The following GALNT13 variants were observed in gnomAD, a reference collection of about 807,000 sequenced individuals.
GALNT13 encodes polypeptide N-acetylgalactosaminyltransferase 13.
In GALNT13, 28 loss-of-function variants were observed where a neutral mutation model predicts 64.2. That is an observed-to-expected ratio of 0.44 (90% CI 0.32 to 0.60). The LOEUF is 0.60. Ranked by LOEUF, GALNT13 falls within the 20% of genes least tolerant of loss-of-function variation. The pLI is 0.05. For synonymous variants in GALNT13, 214 were observed against 224.6 expected (o/e 0.95, Z 0.42); for missense variants, 577 against 669.8 (o/e 0.86, Z 1.53).
At chr2:154,141,855 G>T (rs563356730) in intron 4 of GALNT13, among the ~76,000 whole-genome samples, 1 of 152,060 alleles carries the variant, frequency 6.6e-6, no homozygotes, top group African/African-American at 2.4e-5. Flanking sequence ...AATATTGCAC[G>T]AAAAATGATG....
chr2:153,315,127 G>C, the GALNT13 span, among the ~76,000 whole-genome samples: 3 of 152,020 alleles, frequency 2.0e-5, no homozygotes, highest in Non-Finnish European at 4.4e-5. Flanking sequence ...TAAGAGAAAG[G>C]GGACATTTTC....
At position 154,039,294 on chromosome 2, in the gene GALNT13, A is replaced by G. The variant is rs189541677; in HGVS notation, c.142+94655A>G. Among the ~76,000 whole-genome samples the G allele has an allele frequency of 2.3e-3, 227 of 99,380 alleles. 12 individuals carry two copies. Among genetic ancestry groups the G allele is most frequent in the African/African-American group, 5.6e-3 (209 of 37,450 alleles). The allele number at this position is 99,380 out of a possible 152,430, so 65.2% of individuals were successfully genotyped here. On this transcript the variant is annotated intron_variant, in intron 3 of 12. Transcript: ENST00000392825. Reference sequence around the variant, plus strand: ...AAATGAAAATAAATCAGTAGATCAAAGAGTTATCTTTACCTCCATGCTTAT... The same window carrying G: ...AAATGAAAATAAATCAGTAGATCAAGGAGTTATCTTTACCTCCATGCTTAT...
chr2:153,526,406 T>C, the GALNT13 span, among the ~76,000 whole-genome samples: 82 of 152,300 alleles, frequency 5.4e-4, 1 homozygote, highest in East Asian at 0.013. Context: ...CAAGACTCTC[T>C]GCCTGGTAAT....
At chr2:154,106,839 A>G (rs1702644361) in intron 3 of GALNT13, among the ~76,000 whole-genome samples, 1 of 152,132 alleles carries the variant, frequency 6.6e-6, no homozygotes, top group Admixed American at 6.5e-5. Context: ...TAGTTAACAT[A>G]TTACTCTGGT....
At chr2:154,103,702 C>T (rs1477676889) in intron 3 of GALNT13, among the ~76,000 whole-genome samples, 2 of 152,038 alleles carry the variant, frequency 1.3e-5, no homozygotes, top group Admixed American at 6.6e-5. Context: ...TATATATGAG[C>T]GTTTGGCATT....
At position 154,130,812 on chromosome 2, in the gene GALNT13, T is replaced by G. The variant is rs182257664; in HGVS notation, c.143-9525T>G. On this transcript the variant is annotated intron_variant, in intron 3 of 12. Coordinates refer to ENST00000392825, the MANE Select transcript of GALNT13 (RefSeq NM_052917.4). ...ATGAATCCAGCATGCTGCTCAAAGC[T>G]TACTATTTTCTATCTGCGGAATAAC... 8.2e-3 allele frequency among the ~76,000 whole-genome samples: 1,246 copies of G among 152,314 alleles called. 7 individuals carry two copies. The highest frequency in any genetic ancestry group is 0.014 in the South Asian group (66 of 4,832).
the GALNT13 span, among the ~76,000 whole-genome samples, chr2:153,793,280 A>G: frequency 1.8e-3 from 270 of 152,180 alleles, no homozygotes; most frequent in African/African-American, 6.2e-3. Flanking sequence ...CCCTGAGGTA[A>G]CATTTCATAG....
intron 8 of GALNT13, among the ~76,000 whole-genome samples, chr2:154,263,232 T>C (rs894908910): frequency 7.2e-5 from 11 of 152,224 alleles, no homozygotes; most frequent in African/African-American, 2.4e-4. Context: ...ACCATCTGTG[T>C]AAGCTTAGGT....
intron 2 of GALNT13, among the ~76,000 whole-genome samples, chr2:153,933,260 CTT>C (rs1444782213): frequency 6.6e-6 from 1 of 152,120 alleles, no homozygotes; most frequent in African/African-American, 2.4e-5. Context: ...ATCTAAGTCT[CTT>C]TGTAGGTTCC....
chr2:153,825,851 T>C, the GALNT13 span, among the ~76,000 whole-genome samples: 1 of 152,182 alleles, frequency 6.6e-6, no homozygotes, highest in Non-Finnish European at 1.5e-5. Context: ...GAAGTTCATT[T>C]CCACTTCCTC....
chr2:154,070,369 G>T (rs996023517), intron 3 of GALNT13, among the ~76,000 whole-genome samples: 5 of 152,078 alleles, frequency 3.3e-5, no homozygotes, highest in Admixed American at 3.3e-4. Flanking sequence ...CTGTCATATG[G>T]TTCCATGTAT....
At chr2:154,272,655 A>G (rs779142754) in intron 8 of GALNT13, among the ~76,000 whole-genome samples, 38 of 152,112 alleles carry the variant, frequency 2.5e-4, no homozygotes, top group Non-Finnish European at 4.3e-4. Context: ...CTTAAGGCCA[A>G]ATTTCACTAG....
At chr2:153,646,900 T>C in the GALNT13 span, among the ~76,000 whole-genome samples, 1 of 152,320 alleles carries the variant, frequency 6.6e-6, no homozygotes, top group South Asian at 2.1e-4. Flanking sequence ...TCTTTGCTAT[T>C]GTGAGTAGTG....
At chr2:153,755,610 A>G in the GALNT13 span, among the ~76,000 whole-genome samples, 1 of 152,212 alleles carries the variant, frequency 6.6e-6, no homozygotes, top group Admixed American at 6.5e-5. Flanking sequence ...TTCTTTCTAT[A>G]GAGTGTTTTG....
At chr2:153,207,374 G>A in the GALNT13 span, among the ~76,000 whole-genome samples, 7 of 152,098 alleles carry the variant, frequency 4.6e-5, no homozygotes, top group Non-Finnish European at 8.8e-5. Context: ...AGGGAGGCAA[G>A]ACTAGCTTGT....
intron 4 of GALNT13, among the ~76,000 whole-genome samples, chr2:154,219,823 C>G (rs544194303): frequency 6.6e-6 from 1 of 152,094 alleles, no homozygotes; most frequent in Non-Finnish European, 1.5e-5. Context: ...TCCTAGCAGA[C>G]ATTATGATTT....
the GALNT13 span, among the ~76,000 whole-genome samples, chr2:153,482,317 A>G: frequency 7.9e-5 from 12 of 152,198 alleles, no homozygotes; most frequent in African/African-American, 2.4e-4. Context: ...AATGTTAAAC[A>G]GCATACACAG....
At chr2:153,127,496 A>G in the GALNT13 span, among the ~76,000 whole-genome samples, 1 of 152,116 alleles carries the variant, frequency 6.6e-6, no homozygotes, top group Non-Finnish European at 1.5e-5. Context: ...CACCACATGC[A>G]AACATTCATG....
chr2:154,213,428 A>G (rs548840229), intron 4 of GALNT13, among the ~76,000 whole-genome samples: 27 of 152,276 alleles, frequency 1.8e-4, no homozygotes, highest in Non-Finnish European at 3.5e-4. Flanking sequence ...TTTGAATTTG[A>G]AAGTAAATGT....
Sources: gnomAD v4.1 joint callset for allele counts (sites outside exome capture counted in the v4.1 genomes callset) on GRCh38, gnomAD v4.1.1 for gene constraint, MANE v1.5 for transcripts, NCBI Gene and HGNC (gene_info 2026-07-23, HGNC 2026-07-21) for gene names.